SYNDIG1: variants seen among roughly 807,000 people sequenced by gnomAD.
SYNDIG1 encodes synapse differentiation-inducing gene protein 1.
Under a neutral mutation model 19.4 loss-of-function variants are expected in SYNDIG1, and 9 were observed. That is an observed-to-expected ratio of 0.46 (90% CI 0.28 to 0.81). SYNDIG1 has a LOEUF of 0.81. SYNDIG1 is among the 30% of genes least tolerant of loss of function. SYNDIG1 has a pLI of 0.12. For missense variants in SYNDIG1, 311 were observed against 343.3 expected, an observed-to-expected ratio of 0.91 and a Z score of 0.74; for synonymous variants, 141 against 145.9, an observed-to-expected ratio of 0.97 and a Z score of 0.24.
At chr20:24,612,813 A>G (rs1262141086) in intron 3 of SYNDIG1, among the ~76,000 whole-genome samples, 4 of 152,234 alleles carry the variant, frequency 2.6e-5, no homozygotes, top group African/African-American at 9.6e-5. Flanking sequence ...CATCACTGCC[A>G]GTCACTCAGG....
At chr20:24,490,218 T>C (rs1293043738) in intron 1 of SYNDIG1, among the ~76,000 whole-genome samples, 1 of 152,222 alleles carries the variant, frequency 6.6e-6, no homozygotes, top group African/African-American at 2.4e-5. Flanking sequence ...TTTCCATGCC[T>C]GAATGAGGAA....
chr20:24,603,123 T>C (rs1385219873), intron 3 of SYNDIG1, among the ~76,000 whole-genome samples: 1 of 152,170 alleles, frequency 6.6e-6, no homozygotes, highest in Non-Finnish European at 1.5e-5. Flanking sequence ...TAGGTGCTCA[T>C]TTAAATGCTG....
intron 3 of SYNDIG1, among the ~76,000 whole-genome samples, chr20:24,649,765 T>G (rs1283375291): frequency 6.6e-6 from 1 of 152,230 alleles, no homozygotes; most frequent in Non-Finnish European, 1.5e-5. Context: ...ACATGGTTTC[T>G]GTGCCTTCTC....
intron 2 of SYNDIG1, among the ~76,000 whole-genome samples, chr20:24,545,446 C>G (rs993599462): frequency 6.6e-6 from 1 of 152,004 alleles, no homozygotes; most frequent in African/African-American, 2.4e-5. Context: ...TGCTGCCCGA[C>G]TCGCATGGAG....
Position 24,665,588 on chromosome 20 carries a change from G to A in SYNDIG1, c.*84G>A, listed in dbSNP as rs1295653871. On this transcript the variant is annotated 3_prime_UTR_variant, in exon 4 of 4. Transcript: ENST00000376862. ...CAGGCATACCGCATGATGCTGTACA[G>A]TACAAATGATTGCCAAATGATGCCA... 3 of 1,534,994 alleles carry A rather than the reference G, an allele frequency of 2.0e-6. No individual in the cohort carries two copies. In the East Asian group the frequency reaches 7.0e-5, roughly 36 times the overall value.
intron 2 of SYNDIG1, among the ~76,000 whole-genome samples, chr20:24,560,062 C>CTTTTTT (rs1247087275): frequency 2.8e-5 from 2 of 70,344 alleles, no homozygotes; most frequent in Non-Finnish European, 2.6e-5. Context: ...TCTCTCCTCT[C>CTTTTTT]CTTTTTTTTT....
At chr20:24,612,194 A>G (rs548294314) in intron 3 of SYNDIG1, among the ~76,000 whole-genome samples, 137 of 152,370 alleles carry the variant, frequency 9.0e-4, no homozygotes, top group African/African-American at 3.2e-3. Flanking sequence ...ATCACCACTT[A>G]GGAGCACGGA....
intron 1 of SYNDIG1, among the ~76,000 whole-genome samples, chr20:24,523,520 C>T (rs1219424826): frequency 1.3e-5 from 2 of 152,098 alleles, no homozygotes; most frequent in Non-Finnish European, 2.9e-5. Context: ...TGGCTATAAA[C>T]CCAAGTTTTG....
chr20:24,509,898 T>C (rs2056697417), intron 1 of SYNDIG1, among the ~76,000 whole-genome samples: 1 of 151,902 alleles, frequency 6.6e-6, no homozygotes. Context: ...ATGGGGGTGG[T>C]TTCTTCATGA....
chr20:24,616,490 C>A (rs1393549652), intron 3 of SYNDIG1, among the ~76,000 whole-genome samples: 1 of 152,264 alleles, frequency 6.6e-6, no homozygotes, highest in Non-Finnish European at 1.5e-5. Context: ...GCTGGGCCAA[C>A]CTGCCTCCCC....
intron 1 of SYNDIG1, among the ~76,000 whole-genome samples, chr20:24,498,951 G>C (rs994075503): frequency 1.3e-5 from 2 of 152,168 alleles, no homozygotes; most frequent in Non-Finnish European, 2.9e-5. Flanking sequence ...TCCATTTTTT[G>C]AGAAACTGTT....
At chr20:24,488,039 G>A (rs1312769261) in intron 1 of SYNDIG1, among the ~76,000 whole-genome samples, 1 of 152,192 alleles carries the variant, frequency 6.6e-6, no homozygotes, top group Non-Finnish European at 1.5e-5. Flanking sequence ...TGTCAACCCA[G>A]AAAATGAGAT....
At chr20:24,475,537 T>C (rs2055594488) in intron 1 of SYNDIG1, among the ~76,000 whole-genome samples, 1 of 152,170 alleles carries the variant, frequency 6.6e-6, no homozygotes, top group African/African-American at 2.4e-5. Context: ...ATAGGTAGTG[T>C]GCGTGGTTTC....
intron 1 of SYNDIG1, chr20:24,491,823 T>A (rs557799473): frequency 8.5e-5 from 13 of 152,356 alleles, no homozygotes; most frequent in African/African-American, 3.1e-4. Context: ...TCAAGATTTG[T>A]GTCATGCACT....
intron 3 of SYNDIG1, among the ~76,000 whole-genome samples, chr20:24,615,715 T>G (rs950184642): frequency 6.6e-6 from 1 of 152,182 alleles, no homozygotes; most frequent in African/African-American, 2.4e-5. Context: ...ATGGAAGGTC[T>G]GCACGGTCTT....
At chr20:24,578,821 A>G (rs2058275138) in intron 2 of SYNDIG1, among the ~76,000 whole-genome samples, 1 of 152,196 alleles carries the variant, frequency 6.6e-6, no homozygotes, top group Non-Finnish European at 1.5e-5. Flanking sequence ...GCAAGGTCAG[A>G]GATCACCAGA....
At chr20:24,646,295 C>T (rs993853086) in intron 3 of SYNDIG1, among the ~76,000 whole-genome samples, 3 of 152,290 alleles carry the variant, frequency 2.0e-5, no homozygotes, top group South Asian at 4.1e-4. Flanking sequence ...GGGGGCTAGG[C>T]GACTGCTATG....
intron 2 of SYNDIG1, among the ~76,000 whole-genome samples, chr20:24,552,900 G>A (rs1283270027): frequency 6.6e-6 from 1 of 152,172 alleles, no homozygotes; most frequent in Non-Finnish European, 1.5e-5. Context: ...AATCCACAAT[G>A]GTTGAACTAG....
At chr20:24,622,411 A>G (rs1235483203) in intron 3 of SYNDIG1, among the ~76,000 whole-genome samples, 1 of 152,202 alleles carries the variant, frequency 6.6e-6, no homozygotes, top group African/African-American at 2.4e-5. Flanking sequence ...GGGGTCTCCA[A>G]CCTCCAGGCC....
Sources: allele counts gnomAD v4.1 joint callset (sites outside exome capture counted in the v4.1 genomes callset), GRCh38; gene constraint gnomAD v4.1.1; transcripts MANE v1.5; gene names NCBI Gene and HGNC (gene_info 2026-07-23, HGNC 2026-07-21).